CLSTN2: variants seen among roughly 807,000 people sequenced by gnomAD.
CLSTN2 encodes calsyntenin-2.
In CLSTN2, 48 loss-of-function variants were observed where a neutral mutation model predicts 101.2. The observed-to-expected ratio is 0.47, with a 90% confidence interval of 0.38 to 0.60. The LOEUF is 0.60. CLSTN2 is among the 20% of genes least tolerant of loss of function. The pLI, the probability that CLSTN2 is intolerant of heterozygous loss-of-function variation, is 0.00. For synonymous variants in CLSTN2, 481 were observed against 463.6 expected (o/e 1.04, Z -0.48); for missense variants, 1,160 against 1,238.2 (o/e 0.94, Z 0.95).
At chr3:140,221,358 A>T (rs1273946694) in intron 2 of CLSTN2, among the ~76,000 whole-genome samples, 1 of 152,222 alleles carries the variant, frequency 6.6e-6, no homozygotes, top group Non-Finnish European at 1.5e-5. Flanking sequence ...GTTGCCCTCA[A>T]CTTTGCAGAG....
chr3:140,169,315 C>T (rs939957599), intron 1 of CLSTN2, among the ~76,000 whole-genome samples: 3 of 151,896 alleles, frequency 2.0e-5, no homozygotes, highest in African/African-American at 7.2e-5. Flanking sequence ...AATACCATTG[C>T]TTTTTTAATA....
chr3:140,220,736 G>A (rs2086262808), intron 2 of CLSTN2, among the ~76,000 whole-genome samples: 1 of 152,202 alleles, frequency 6.6e-6, no homozygotes, highest in Non-Finnish European at 1.5e-5. Flanking sequence ...CATGAACTTA[G>A]TGAAGAGAAA....
At chr3:140,545,441 AG>A (rs759189276) in intron 9 of CLSTN2, among the ~76,000 whole-genome samples, 114 of 152,250 alleles carry the variant, frequency 7.5e-4, no homozygotes, top group Admixed American at 3.6e-3. Flanking sequence ...AGTGTGCCCT[AG>A]GAGCAAACAG....
chr3:140,513,564 GCTTT>G (rs1415729017), intron 8 of CLSTN2, among the ~76,000 whole-genome samples: 4 of 139,324 alleles, frequency 2.9e-5, no homozygotes, highest in African/African-American at 8.0e-5. Context: ...CTGACCTGAA[GCTTT>G]CTTTTTTTTT....
chr3:140,220,673 G>A (rs2086262437), intron 2 of CLSTN2, among the ~76,000 whole-genome samples: 1 of 152,212 alleles, frequency 6.6e-6, no homozygotes, highest in Non-Finnish European at 1.5e-5. Flanking sequence ...GAGTGGATTG[G>A]CACCTGCTTC....
chr3:140,242,816 G>A (rs1338727247), intron 2 of CLSTN2, among the ~76,000 whole-genome samples: 1 of 152,184 alleles, frequency 6.6e-6, no homozygotes, highest in Non-Finnish European at 1.5e-5. Context: ...CTTCTCAAGA[G>A]GTTGCATCCC....
At chr3:140,368,881 G>A (rs1576535813) in intron 2 of CLSTN2, among the ~76,000 whole-genome samples, 1 of 152,274 alleles carries the variant, frequency 6.6e-6, no homozygotes, top group East Asian at 1.9e-4. Context: ...CATTTATATA[G>A]CATTATCATT....
At chr3:140,173,696 C>T (rs1179944871) in intron 1 of CLSTN2, among the ~76,000 whole-genome samples, 1 of 152,236 alleles carries the variant, frequency 6.6e-6, no homozygotes, top group African/African-American at 2.4e-5. Flanking sequence ...CAATTCTTGA[C>T]TTCTGTGCAC....
chr3:140,134,759 A>G (rs2009574738), intron 1 of CLSTN2, among the ~76,000 whole-genome samples: 1 of 151,994 alleles, frequency 6.6e-6, no homozygotes, highest in Admixed American at 6.6e-5. Flanking sequence ...GGGGAAGGAG[A>G]GGGTGGAGGG....
intron 6 of CLSTN2, among the ~76,000 whole-genome samples, chr3:140,458,583 AC>A (rs945086755): frequency 4.5e-4 from 68 of 150,966 alleles, no homozygotes; most frequent in Non-Finnish European, 7.7e-4. Context: ...TCACCTCAGC[AC>A]CCCCCTCCAC....
chr3:140,058,841 G>A (rs1447992616), intron 1 of CLSTN2, among the ~76,000 whole-genome samples: 1 of 152,032 alleles, frequency 6.6e-6, no homozygotes, highest in African/African-American at 2.4e-5. Flanking sequence ...GGGTAGGTGG[G>A]AATTGGATGG....
intron 2 of CLSTN2, among the ~76,000 whole-genome samples, chr3:140,285,939 C>T (rs890844827): frequency 6.6e-6 from 1 of 152,168 alleles, no homozygotes; most frequent in South Asian, 2.1e-4. Context: ...TGACCTGGGG[C>T]TTAGCACTTT....
chr3:140,487,585 G>A (rs895825568), intron 8 of CLSTN2, among the ~76,000 whole-genome samples: 1 of 152,180 alleles, frequency 6.6e-6, no homozygotes, highest in African/African-American at 2.4e-5. Context: ...GGCTCCACAT[G>A]CCTGTCTTCT....
chr3:139,943,381 G>T (rs1045513906), intron 1 of CLSTN2, among the ~76,000 whole-genome samples: 8 of 152,156 alleles, frequency 5.3e-5, no homozygotes, highest in African/African-American at 1.9e-4. Flanking sequence ...CAAGGTGGCA[G>T]CATGTATGCC....
chr3:140,332,880 G>C (rs1400590097), intron 2 of CLSTN2, among the ~76,000 whole-genome samples: 1 of 152,108 alleles, frequency 6.6e-6, no homozygotes, highest in Non-Finnish European at 1.5e-5. Context: ...GAAAATTAAA[G>C]AAGGCTCAGC....
chr3:140,406,361 G>GA (rs11415454), intron 4 of CLSTN2, among the ~76,000 whole-genome samples: 6,829 of 152,106 alleles, frequency 0.045, 281 homozygotes, highest in African/African-American at 0.11. Flanking sequence ...TCATAAGACA[G>GA]AAAAAAATAA....
chr3:140,251,965 G>T (rs534545514), intron 2 of CLSTN2, among the ~76,000 whole-genome samples: 142 of 152,292 alleles, frequency 9.3e-4, no homozygotes, highest in African/African-American at 3.2e-3. Flanking sequence ...TGATGTGGCA[G>T]CTGCAGTGGG....
At chr3:140,100,743 G>A (rs1297454767) in intron 1 of CLSTN2, among the ~76,000 whole-genome samples, 2 of 152,244 alleles carry the variant, frequency 1.3e-5, no homozygotes, top group African/African-American at 4.8e-5. Context: ...GGGCTGTGAG[G>A]CTCACGTTCT....
intron 1 of CLSTN2, among the ~76,000 whole-genome samples, chr3:140,171,792 ATATATAATATGTATTATATATTATATAT>A (rs2010234495): frequency 2.7e-5 from 1 of 36,554 alleles, no homozygotes; most frequent in Non-Finnish European, 5.0e-5. Flanking sequence ...ATAATATATA[ATATATAATATGTATTATATATTATATAT>A]TATATATAAT....
Sources: gnomAD v4.1 joint callset for allele counts (sites outside exome capture counted in the v4.1 genomes callset) on GRCh38, gnomAD v4.1.1 for gene constraint, MANE v1.5 for transcripts, NCBI Gene and HGNC (gene_info 2026-07-23, HGNC 2026-07-21) for gene names.